Variants in COPZ1 observed in about 807,000 individuals in gnomAD.
COPZ1 encodes coat protein complex I subunit zeta 1.
A neutral mutation model predicts 31.7 loss-of-function variants in COPZ1; 4 were observed. The ratio of observed to expected loss-of-function variants is 0.13; its 90% CI spans 0.06 to 0.29. The LOEUF (loss-of-function observed/expected upper bound fraction) is 0.29. COPZ1 is among the 10% of genes least tolerant of loss of function. The pLI, the probability that COPZ1 is intolerant of heterozygous loss-of-function variation, is 1.00. For missense variants in COPZ1, 156 were observed against 211.5 expected (o/e 0.74, Z 1.63); for synonymous variants, 74 against 79.0 (o/e 0.94, Z 0.33).
At chr12:54,336,752 G>A (rs1290743526) in intron 1 of COPZ1, among the ~76,000 whole-genome samples, 1 of 151,702 alleles carries the variant, frequency 6.6e-6, no homozygotes, top group East Asian at 2.0e-4. Context: ...GGCCGGGCAC[G>A]GTGGCTCACG....
In COPZ1 at chr12:54,351,027, T is replaced by C. The variant is rs1954138577; in HGVS notation, c.*504T>C. On this transcript the variant is annotated 3_prime_UTR_variant, in exon 9 of 9. Coordinates refer to ENST00000262061, the MANE Select transcript of COPZ1 (RefSeq NM_016057.3). Reference sequence around the variant, plus strand: ...CAATCTAAGCCCTAACCCCACTTAGTGACCTCAGTGTTTTCTTCCATTCCT... The same window carrying C: ...CAATCTAAGCCCTAACCCCACTTAGCGACCTCAGTGTTTTCTTCCATTCCT... 1 of 170,142 alleles carries C rather than the reference T, an allele frequency of 5.9e-6. No individual in the cohort carries two copies. The highest frequency in any genetic ancestry group is 2.4e-5 in the African/African-American group (1 of 42,090). 10.5% of individuals were successfully genotyped at this position (170,142 alleles called of 1,614,324 possible). A position where few individuals can be genotyped will look rare whatever the true frequency, so the allele number is the denominator to read the frequency against.
At chr12:54,343,079 A>C (rs1353468456) in intron 3 of COPZ1, 146 bp from the exon 4 acceptor site, 1 of 688,702 alleles carries the variant, frequency 1.5e-6, no homozygotes, top group African/African-American at 1.8e-5. Flanking sequence ...CTGGTCTTGA[A>C]CTCCTGACCT....
In COPZ1 at chr12:54,340,211, G is replaced by A. The variant is rs1422400567; in HGVS notation, c.19-336G>A. The stretch of plus-strand genomic sequence containing the variant: ...ATTCTATAGCCACCTGTACATGGGA[G>A]AGCAGGAAGGGAGAGGGTAATTTGG... On this transcript the variant is annotated intron_variant, in intron 1 of 8. Transcript: ENST00000262061. 6.6e-5 allele frequency among the ~76,000 whole-genome samples: 10 copies of A among 152,140 alleles called. No homozygotes were observed. The East Asian group carries it at 1.7e-3, about 26-fold the overall frequency.
intron 5 of COPZ1, 29 bp downstream of exon 5, chr12:54,345,544 C>G: frequency 6.4e-7 from 1 of 1,566,622 alleles, no homozygotes; most frequent in Non-Finnish European, 8.8e-7. Context: ...TTTTTCCCCT[C>G]AAGTTATGAT....
intron 2 of COPZ1, 25 bp downstream of exon 2, chr12:54,340,640 T>C: frequency 6.2e-7 from 1 of 1,610,366 alleles, no homozygotes; most frequent in Non-Finnish European, 8.5e-7. Context: ...CGAATTAGTT[T>C]AGGAACAGCA....
At chr12:54,336,029 C>T (rs2137094195) in intron 1 of COPZ1, among the ~76,000 whole-genome samples, 1 of 152,194 alleles carries the variant, frequency 6.6e-6, no homozygotes, top group South Asian at 2.1e-4. Flanking sequence ...TCCTGTAATT[C>T]CCTCCATAGA....
chr12:54,345,526 C>A lies in COPZ1; in HGVS notation c.317+11C>A. The A allele has an allele frequency of 6.2e-7, 1 of 1,606,428 alleles. No individual in the cohort carries two copies. ...GAGCCAGATGCTGAGGTGAGCAGGA[C>A]ATTCTTTTTTTTCCCCTCAAGTTAT... On this transcript the variant is annotated intron_variant, in intron 5 of 8. Transcript: ENST00000262061.
At chr12:54,341,220 A>G (rs1592205993) in intron 2 of COPZ1, among the ~76,000 whole-genome samples, 1 of 151,966 alleles carries the variant, frequency 6.6e-6, no homozygotes, top group Non-Finnish European at 1.5e-5. Flanking sequence ...CCCTCATACC[A>G]TGTCACCCTG....
intron 1 of COPZ1, among the ~76,000 whole-genome samples, chr12:54,331,056 CCT>C (rs769004214): frequency 2.0e-5 from 3 of 152,130 alleles, no homozygotes; most frequent in Non-Finnish European, 4.4e-5. Context: ...GCCTGTGTCA[CCT>C]CTTCTGGTGT....
chr12:54,329,199 G>T (rs10876552), intron 1 of COPZ1, among the ~76,000 whole-genome samples: 17,667 of 152,096 alleles, frequency 0.12, 1,326 homozygotes, highest in East Asian at 0.21. Context: ...TTTGAGTTGT[G>T]AATGAAGAGG....
chr12:54,340,418 G>A, intron 1 of COPZ1, 129 bp from the exon 2 acceptor site: 1 of 1,438,968 alleles, frequency 6.9e-7, no homozygotes. Context: ...ATCTGACCAA[G>A]TTGAGGTAAG....
intron 1 of COPZ1, among the ~76,000 whole-genome samples, chr12:54,335,826 C>A (rs1420635589): frequency 6.6e-6 from 1 of 151,960 alleles, no homozygotes; most frequent in Non-Finnish European, 1.5e-5. Flanking sequence ...TGCATGCCAC[C>A]ATGCCTGGCT....
chr12:54,349,789 TC>T, intron 8 of COPZ1, 131 bp downstream of exon 8: 2 of 827,914 alleles, frequency 2.4e-6, no homozygotes, highest in Non-Finnish European at 4.3e-6. Flanking sequence ...TCCCTCTTAT[TC>T]CAGAGAACTG....
chr12:54,336,252 TAGAG>T (rs1463971544), intron 1 of COPZ1, among the ~76,000 whole-genome samples: 3 of 152,276 alleles, frequency 2.0e-5, no homozygotes, highest in East Asian at 3.9e-4. Context: ...GACACACAAA[TAGAG>T]AGCTTTTGCC....
intron 1 of COPZ1, among the ~76,000 whole-genome samples, chr12:54,336,405 G>A (rs758698590): frequency 1.3e-5 from 2 of 152,112 alleles, no homozygotes; most frequent in Admixed American, 6.5e-5. Flanking sequence ...GCCGGGCATG[G>A]TGGCAGGTGC....
intron 1 of COPZ1, 57 bp from the exon 2 acceptor site, chr12:54,340,490 G>A (rs969847845): frequency 7.5e-6 from 12 of 1,609,206 alleles, no homozygotes; most frequent in Non-Finnish European, 8.5e-6. Flanking sequence ...GAAGGTATCT[G>A]GTTTACCAGT....
intron 7 of COPZ1, 93 bp from the exon 8 acceptor site, chr12:54,349,527 A>G: frequency 9.9e-7 from 1 of 1,007,806 alleles, no homozygotes; most frequent in Non-Finnish European, 1.6e-6. Flanking sequence ...GTTTCAGTTT[A>G]AAGGATCACT....
chr12:54,339,257 T>TAA (rs72213270), intron 1 of COPZ1, among the ~76,000 whole-genome samples: 33 of 120,212 alleles, frequency 2.7e-4, no homozygotes, highest in Non-Finnish European at 3.7e-4. Flanking sequence ...CCTTTTCTCT[T>TAA]AAAAAAAAAA....
chr12:54,330,744 T>G (rs368085338), intron 1 of COPZ1, among the ~76,000 whole-genome samples: 154 of 152,318 alleles, frequency 1.0e-3, no homozygotes, highest in African/African-American at 3.6e-3. Flanking sequence ...ATGGCTTGAT[T>G]AGAGTCTGGA....
Sources: gnomAD v4.1 joint callset for allele counts (sites outside exome capture counted in the v4.1 genomes callset) on GRCh38, gnomAD v4.1.1 for gene constraint, MANE v1.5 for transcripts, NCBI Gene and HGNC (gene_info 2026-07-23, HGNC 2026-07-21) for gene names.